The following NAV2 variants were observed in gnomAD, a reference collection of about 807,000 sequenced individuals.
NAV2 encodes neuron navigator 2.
NAV2 carries 54 observed loss-of-function variants against 223.2 expected under a neutral mutation model. The ratio of observed to expected loss-of-function variants is 0.24; its 90% confidence interval spans 0.19 to 0.30. The LOEUF (loss-of-function observed/expected upper bound fraction) is 0.30, where lower values mean the gene tolerates loss of function less well. Among genes scored for constraint, NAV2 ranks in the 10% least tolerant of loss-of-function variants. The probability of loss-of-function intolerance (pLI) is 1.00; values close to 1 mark genes in which losing one functional copy is unlikely to be tolerated. For synonymous variants in NAV2, 1,279 were observed against 1,239.3 expected (o/e 1.03, Z -0.67); for missense variants, 2,806 against 3,147.5 (o/e 0.89, Z 2.60).
At chr11:19,396,851 A>T (rs1277931362) in intron 1 of NAV2, among the ~76,000 whole-genome samples, 2 of 152,182 alleles carry the variant, frequency 1.3e-5, no homozygotes, top group Non-Finnish European at 2.9e-5. Context: ...AGAATCCAAA[A>T]ATACATGCTA....
At chr11:19,770,773 A>G (rs1203327795) in intron 1 of NAV2, among the ~76,000 whole-genome samples, 1 of 152,182 alleles carries the variant, frequency 6.6e-6, no homozygotes, top group African/African-American at 2.4e-5. Context: ...TTTGAGGGCT[A>G]TAGAGAGAAA....
rs1261332320 is a variant in NAV2 at position 20,023,079 on chromosome 11, T to C, written c.2769-12880T>C. ...AGATTCATTCAGCTTCTTTGTCCGC[T>C]GTTCTCCAAGGGCCGCAATGTAGTG... On this transcript the variant is annotated intron_variant, in intron 11 of 37. Coordinates refer to ENST00000349880, the MANE Select transcript of NAV2 (RefSeq NM_145117.5). 1.9e-6 allele frequency: 3 copies of C among 1,551,692 alleles called. No individual in the cohort carries two copies. The African/African-American group carries it at 4.1e-5, about 21-fold the overall frequency.
intron 11 of NAV2, among the ~76,000 whole-genome samples, chr11:20,018,522 A>G (rs978555142): frequency 6.6e-6 from 1 of 152,034 alleles, no homozygotes; most frequent in African/African-American, 2.4e-5. Context: ...ACGGGCCCCT[A>G]AGTGGGTCTG....
intron 10 of NAV2, among the ~76,000 whole-genome samples, chr11:19,964,492 C>CATTTT (rs60424234): frequency 0.018 from 2,631 of 146,632 alleles, 79 homozygotes; most frequent in African/African-American, 0.046. Flanking sequence ...TTTTCATCCT[C>CATTTT]TTTTTTTTTT....
intron 3 of NAV2, among the ~76,000 whole-genome samples, chr11:19,844,306 T>C (rs2152951900): frequency 6.6e-6 from 1 of 152,368 alleles, no homozygotes; most frequent in Non-Finnish European, 1.5e-5. Context: ...TAGATACTGA[T>C]GCAATTGCCC....
At chr11:19,689,705 A>C (rs895331120) in intron 1 of NAV2, among the ~76,000 whole-genome samples, 2 of 152,224 alleles carry the variant, frequency 1.3e-5, no homozygotes, top group African/African-American at 4.8e-5. Flanking sequence ...TTTCACAAGC[A>C]GATGAATTCA....
At chr11:20,035,899 T>A (rs1002031232) in intron 11 of NAV2, 60 bp from the exon 12 acceptor site, 1 of 1,605,246 alleles carries the variant, frequency 6.2e-7, no homozygotes, top group Admixed American at 1.7e-5. Flanking sequence ...GTCTGTGTCA[T>A]CAGCCTGAGC....
chr11:20,074,895 A>G (rs1026903416), intron 22 of NAV2, among the ~76,000 whole-genome samples: 10 of 151,764 alleles, frequency 6.6e-5, no homozygotes, highest in Admixed American at 5.3e-4. Context: ...TCTTTATCCA[A>G]TTTGTCAGTC....
intron 1 of NAV2, among the ~76,000 whole-genome samples, chr11:19,760,856 C>T (rs931492693): frequency 5.3e-5 from 8 of 152,138 alleles, no homozygotes; most frequent in African/African-American, 1.9e-4. Flanking sequence ...GCAATATTTG[C>T]TTGTGAGTTC....
In NAV2 at chr11:19,883,542, T is replaced by C. The variant is rs766409734; in HGVS notation, c.770+3415T>C. 9.9e-5 allele frequency among the ~76,000 whole-genome samples: 15 copies of C among 152,234 alleles called. 1 individual carries two copies. Among genetic ancestry groups the C allele is most frequent in the Non-Finnish European group, 1.6e-4 (11 of 68,036 alleles). ...AAGAATAATCCAGAAAATGACTTTA[T>C]ATTTTTCTCTATTCTCCTCTGTCTC... is the stretch of plus-strand genomic sequence containing the variant. On this transcript the variant is annotated intron_variant, in intron 5 of 37. Coordinates refer to ENST00000349880, the MANE Select transcript of NAV2 (RefSeq NM_145117.5).
chr11:19,851,066 T>C (rs1297431903), intron 3 of NAV2, among the ~76,000 whole-genome samples: 2 of 152,218 alleles, frequency 1.3e-5, no homozygotes, highest in Non-Finnish European at 2.9e-5. Flanking sequence ...GAGTAGGTAC[T>C]GGTTTAGATA....
intron 22 of NAV2, among the ~76,000 whole-genome samples, chr11:20,071,208 C>T (rs1019191770): frequency 6.7e-6 from 1 of 149,784 alleles, no homozygotes; most frequent in Non-Finnish European, 1.5e-5. Context: ...TGAGAACATC[C>T]AGTGTTTGGT....
intron 11 of NAV2, among the ~76,000 whole-genome samples, chr11:19,988,736 GAGAA>G (rs1367201159): frequency 6.6e-6 from 1 of 152,164 alleles, no homozygotes; most frequent in Admixed American, 6.5e-5. Context: ...CTCATGGTGT[GAGAA>G]TGTAACTATG....
chr11:19,382,301 G>T (rs1354517441), intron 1 of NAV2, among the ~76,000 whole-genome samples: 2 of 152,138 alleles, frequency 1.3e-5, no homozygotes, highest in East Asian at 1.9e-4. Context: ...TTTTTCTTTC[G>T]GCCCATGCTG....
Position 20,097,694 on chromosome 11 carries a change from C to T in NAV2, c.6130C>T (p.Pro2044Ser). 1 of 1,612,448 alleles carries T rather than the reference C, an allele frequency of 6.2e-7. No individual in the cohort carries two copies. Among genetic ancestry groups the T allele is most frequent in the Non-Finnish European group, 8.5e-7 (1 of 1,179,608 alleles). ...SNTSETPELL[P>S]CGYLVGENTT... Reference sequence around the variant, plus strand: ...CACTTCCGAAACACCGGAGCTGCTTCCTTGTGGCTATCTGGTTGGAGAGAA... The same window carrying T: ...CACTTCCGAAACACCGGAGCTGCTTTCTTGTGGCTATCTGGTTGGAGAGAA... The change falls in exon 31 of 38, where the codon CCT becomes TCT. Residue 2044 changes from proline (P) to serine (S), a missense_variant. Physicochemically the swap from Pro to Ser is moderately conservative, Grantham distance 74. This residue lies in a region of NAV2 where 824 missense variants were observed against 1,069.4 expected (regional missense o/e 0.77). Coordinates refer to ENST00000349880, the MANE Select transcript of NAV2 (RefSeq NM_145117.5).
intron 1 of NAV2, among the ~76,000 whole-genome samples, chr11:19,445,835 C>T (rs2046574): frequency 0.92 from 138,693 of 151,398 alleles, 63,553 homozygotes; most frequent in Middle Eastern, 0.94. Flanking sequence ...AGGCTCTAAA[C>T]AGAGCAACCA....
chr11:19,990,741 A>G (rs1375436233), intron 11 of NAV2, among the ~76,000 whole-genome samples: 3 of 152,220 alleles, frequency 2.0e-5, no homozygotes, highest in Admixed American at 6.5e-5. Flanking sequence ...GGCCACCACT[A>G]TTTAAAATTA....
At chr11:19,774,662 A>T (rs1331021039) in intron 1 of NAV2, among the ~76,000 whole-genome samples, 1 of 152,188 alleles carries the variant, frequency 6.6e-6, no homozygotes, top group African/African-American at 2.4e-5. Context: ...CCTGATTCTC[A>T]ACACCCTCGG....
chr11:19,530,008 G>A lies in NAV2; in HGVS notation c.75+178981G>A, dbSNP rs116828881. ...CGAATGGAAAAATCAGCATTTGTCTGTCTCCCTTCCCCCAGTGGAAACCAT... is the reference window on the plus strand; with the variant it reads ...CGAATGGAAAAATCAGCATTTGTCTATCTCCCTTCCCCCAGTGGAAACCAT... On this transcript the variant is annotated intron_variant, in intron 1 of 37. Coordinates refer to the NAV2 transcript ENST00000360655. Among the ~76,000 whole-genome samples the A allele has an allele frequency of 5.3e-3, 805 of 152,266 alleles. 4 individuals carry two copies. Among genetic ancestry groups the A allele is most frequent in the African/African-American group, 0.019 (783 of 41,512 alleles).
Sources: allele counts gnomAD v4.1 joint callset (sites outside exome capture counted in the v4.1 genomes callset), GRCh38; gene constraint gnomAD v4.1.1; regional missense constraint gnomAD v4.1.1; transcripts MANE v1.5; gene names NCBI Gene and HGNC (gene_info 2026-07-23, HGNC 2026-07-21).